Variants in MCC observed in about 807,000 individuals in gnomAD.
MCC encodes MCC regulator of Wnt signaling pathway, also known as colorectal mutant cancer protein.
A neutral mutation model predicts 116.2 loss-of-function variants in MCC; 90 were observed. The ratio of observed to expected loss-of-function variants is 0.77; its 90% CI spans 0.65 to 0.92. The LOEUF is 0.92. Among genes scored for constraint, MCC ranks in the 40% least tolerant of loss-of-function variants. MCC has a pLI of 0.00. For missense variants in MCC, 1,516 were observed against 1,312.2 expected (o/e 1.16, Z -2.40); for synonymous variants, 578 against 510.5 (o/e 1.13, Z -1.78).
intron 5 of MCC, among the ~76,000 whole-genome samples, chr5:113,132,473 CACACAT>C (rs1267126974): frequency 1.2e-4 from 16 of 136,450 alleles, no homozygotes; most frequent in African/African-American, 4.4e-4. Context: ...CACACACACA[CACACAT>C]ACATATATAT....
At chr5:113,402,429 C>T (rs62371868) in intron 1 of MCC, among the ~76,000 whole-genome samples, 1 of 151,862 alleles carries the variant, frequency 6.6e-6, no homozygotes, top group African/African-American at 2.4e-5. Flanking sequence ...GGTGGGAATA[C>T]AGGTGTGAGC....
At chr5:113,296,851 G>T (rs947184140) in intron 3 of MCC, among the ~76,000 whole-genome samples, 2 of 152,088 alleles carry the variant, frequency 1.3e-5, no homozygotes, top group Non-Finnish European at 2.9e-5. Flanking sequence ...GGTGTTTAAA[G>T]ATACATATTT....
chr5:113,076,538 G>C (rs1754469719), intron 11 of MCC, among the ~76,000 whole-genome samples: 1 of 152,168 alleles, frequency 6.6e-6, no homozygotes, highest in African/African-American at 2.4e-5. Flanking sequence ...TTTCAACCCA[G>C]AATTTCATAT....
At chr5:113,033,712 T>C (rs985421794) in intron 17 of MCC, among the ~76,000 whole-genome samples, 11 of 152,206 alleles carry the variant, frequency 7.2e-5, no homozygotes, top group South Asian at 2.1e-4. Flanking sequence ...CCCAGTAGTA[T>C]TGGCACTCAC....
At chr5:113,107,836 G>A (rs1756838879) in intron 6 of MCC, among the ~76,000 whole-genome samples, 1 of 152,218 alleles carries the variant, frequency 6.6e-6, no homozygotes, top group Non-Finnish European at 1.5e-5. Flanking sequence ...GCAACAGGCT[G>A]CTTCCTGAGG....
chr5:113,414,574 AC>A (rs1450885126), intron 1 of MCC, among the ~76,000 whole-genome samples: 1 of 152,006 alleles, frequency 6.6e-6, no homozygotes, highest in Non-Finnish European at 1.5e-5. Context: ...TTTATCAGAG[AC>A]TAGAATTGCA....
At chr5:113,292,005 G>T (rs368502623) in intron 3 of MCC, among the ~76,000 whole-genome samples, 1 of 152,106 alleles carries the variant, frequency 6.6e-6, no homozygotes, top group African/African-American at 2.4e-5. Flanking sequence ...CGAGGCAGGC[G>T]GATCTCTTTA....
At chr5:113,088,566 A>T (rs1479969625) in intron 8 of MCC, among the ~76,000 whole-genome samples, 1 of 151,880 alleles carries the variant, frequency 6.6e-6, no homozygotes, top group Admixed American at 6.6e-5. Context: ...GTGTTCTTTT[A>T]ACAGAAAAGG....
intron 2 of MCC, among the ~76,000 whole-genome samples, chr5:113,372,857 T>G (rs1303935007): frequency 6.6e-6 from 1 of 150,790 alleles, no homozygotes; most frequent in African/African-American, 2.4e-5. Flanking sequence ...GAGCCCAGCC[T>G]AAAACACTGT....
At chr5:113,105,957 C>T (rs890470557) in intron 6 of MCC, among the ~76,000 whole-genome samples, 2 of 152,186 alleles carry the variant, frequency 1.3e-5, no homozygotes, top group African/African-American at 2.4e-5. Flanking sequence ...TTATAAACTA[C>T]GGATGCCCAG....
intron 2 of MCC, among the ~76,000 whole-genome samples, chr5:113,370,851 A>T (rs562214244): frequency 6.6e-6 from 1 of 152,320 alleles, no homozygotes; most frequent in African/African-American, 2.4e-5. Flanking sequence ...CATCTTAGAG[A>T]CCTAAATTCT....
chr5:113,071,059 C>T (rs747214613), intron 12 of MCC, 35 bp downstream of exon 12: 1 of 1,599,786 alleles, frequency 6.3e-7, no homozygotes, highest in South Asian at 1.1e-5. Context: ...CACTTCTACC[C>T]TGAAGTAGCT....
chr5:113,339,971 G>T (rs1402802175), intron 3 of MCC, among the ~76,000 whole-genome samples: 1 of 152,248 alleles, frequency 6.6e-6, no homozygotes, highest in African/African-American at 2.4e-5. Flanking sequence ...CCCTGACTTA[G>T]AAGAGAAGAC....
rs1019794077 is a variant in MCC, at chr5:113,264,145, A to G, written c.627+76374T>C. ...TTTGTGAGGTAAATATCCACTAAAA[A>G]CTGCTTCCTAAAGCCAGCACACTTC... On this transcript the variant is annotated intron_variant, in intron 3 of 18. Transcript: ENST00000408903. Among the ~76,000 whole-genome samples, 3 of 152,296 alleles carry G rather than the reference A, an allele frequency of 2.0e-5. No individual in the cohort carries two copies. The South Asian group carries it at 6.2e-4, about 32-fold the overall frequency.
intron 17 of MCC, among the ~76,000 whole-genome samples, chr5:113,039,453 T>G (rs1751536469): frequency 2.0e-5 from 3 of 152,200 alleles, no homozygotes; most frequent in Admixed American, 1.3e-4. Flanking sequence ...TGGCACCTCA[T>G]TTGCCTTTCG....
chr5:113,168,319 A>T (rs1284059948), intron 3 of MCC, among the ~76,000 whole-genome samples: 2 of 152,338 alleles, frequency 1.3e-5, no homozygotes, highest in African/African-American at 4.8e-5. Context: ...TTTTCCAGAT[A>T]AATGCCAGAT....
At position 113,367,669 on chromosome 5, in the gene MCC, C is replaced by A. The variant is rs112343798; in HGVS notation, c.415+17299G>T. 8.8e-3 allele frequency among the ~76,000 whole-genome samples: 1,276 copies of A among 145,306 alleles called. 19 individuals carry two copies. The highest frequency in any genetic ancestry group is 0.031 in the African/African-American group (1,209 of 39,232). Reference sequence around the variant, plus strand: ...GAGAGAGAAAGAGAGAGAGAGAGAGCGAGAGAGAGAATCCCCTGACTGACT... The same window carrying A: ...GAGAGAGAAAGAGAGAGAGAGAGAGAGAGAGAGAGAATCCCCTGACTGACT... On this transcript the variant is annotated intron_variant, in intron 2 of 18. Coordinates refer to ENST00000408903, the MANE Select transcript of MCC (RefSeq NM_001085377.2).
chr5:113,033,948 C>T (rs1192716176), intron 17 of MCC, among the ~76,000 whole-genome samples: 1 of 152,126 alleles, frequency 6.6e-6, no homozygotes, highest in Non-Finnish European at 1.5e-5. Flanking sequence ...TACAGTGGCA[C>T]AAATCACAGC....
intron 8 of MCC, among the ~76,000 whole-genome samples, chr5:113,087,442 G>A (rs1755277231): frequency 6.6e-6 from 1 of 152,182 alleles, no homozygotes; most frequent in African/African-American, 2.4e-5. Context: ...TGGTACTGCT[G>A]ATGAAGGATT....
Sources: gnomAD v4.1 joint callset for allele counts (sites outside exome capture counted in the v4.1 genomes callset) on GRCh38, gnomAD v4.1.1 for gene constraint, MANE v1.5 for transcripts, NCBI Gene and HGNC (gene_info 2026-07-23, HGNC 2026-07-21) for gene names.